The following MPRIP variants were observed in gnomAD, a reference collection of about 807,000 sequenced individuals.
The protein encoded by MPRIP is myosin phosphatase Rho interacting protein.
In MPRIP, 59 loss-of-function variants were observed where a neutral mutation model predicts 234.9. That is an observed-to-expected ratio of 0.25 (90% CI 0.20 to 0.31). MPRIP has a LOEUF of 0.31. Among genes scored for constraint, MPRIP ranks in the 10% least tolerant of loss-of-function variants. The pLI, the probability that MPRIP is intolerant of heterozygous loss-of-function variation, is 1.00. For missense variants in MPRIP, 2,436 were observed against 3,071.0 expected, an observed-to-expected ratio of 0.79 and a Z score of 4.89; for synonymous variants, 1,144 against 1,263.9, an observed-to-expected ratio of 0.91 and a Z score of 2.01.
At chr17:17,154,169 G>T in intron 12 of MPRIP, 137 bp from the exon 13 acceptor site, 2 of 674,228 alleles carry the variant, frequency 3.0e-6, no homozygotes, top group Non-Finnish European at 5.2e-6. Flanking sequence ...GGCACATGTG[G>T]CACTCCTAGA....
chr17:17,154,321 T>C lies in MPRIP; in HGVS notation c.1735T>C (p.Phe579Leu). The C allele has an allele frequency of 6.2e-7, 1 of 1,613,904 alleles. No homozygotes were observed. Among genetic ancestry groups the C allele is most frequent in the Non-Finnish European group, 8.5e-7 (1 of 1,179,966 alleles). The change falls in exon 13 of 24, where the codon TTT (phenylalanine) becomes CTT (leucine). Residue 579 changes from phenylalanine to leucine, a missense_variant. By Grantham distance (22) the Phe-to-Leu change is conservative. Transcript: ENST00000651222. Reference sequence around the variant, plus strand: ...TTCTCTGTAGACAAAGGAGGGCGAGTTTACCCTGTCGGCCATGACATCTGG... The same window carrying C: ...TTCTCTGTAGACAAAGGAGGGCGAGCTTACCCTGTCGGCCATGACATCTGG... ...GFQIHTKEGEFTLSAMTSGIR... is the reference protein window; with the variant it reads ...GFQIHTKEGELTLSAMTSGIR...
chr17:17,168,015 A>G, intron 16 of MPRIP, 100 bp downstream of exon 16: 1 of 940,236 alleles, frequency 1.1e-6, no homozygotes, highest in Non-Finnish European at 1.4e-6. Context: ...AATTGAGGGG[A>G]TATGCTGCTG....
rs536348194 is a variant in MPRIP at position 17,171,926 on chromosome 17, C to T, written c.6472+61C>T. The T allele has an allele frequency of 3.5e-5, 54 of 1,538,596 alleles. 1 individual carries two copies. In the South Asian group the frequency reaches 5.7e-4, roughly 16 times the overall value. On this transcript the variant is annotated intron_variant, in intron 17 of 23. Coordinates refer to ENST00000651222, the MANE Select transcript of MPRIP (RefSeq NM_001364716.4). ...TGGCCAGCTTTTTTTGAGCTAGACA[C>T]ACAACTCAGAGGAATGGCAGCCTTT... is the stretch of plus-strand genomic sequence containing the variant.
At chr17:17,111,168 AG>A (rs199925356) in intron 3 of MPRIP, among the ~76,000 whole-genome samples, 13,886 of 132,094 alleles carry the variant, frequency 0.11, 1,700 homozygotes, top group African/African-American at 0.28. Flanking sequence ...CAAAAAAAAA[AG>A]AAAAAACCTC....
chr17:17,048,909 A>G (rs986486519), intron 1 of MPRIP, among the ~76,000 whole-genome samples: 4 of 152,254 alleles, frequency 2.6e-5, no homozygotes, highest in African/African-American at 7.2e-5. Flanking sequence ...ACTACTCACA[A>G]TAGCCAAACG....
At position 17,078,332 on chromosome 17, in the gene MPRIP, G is replaced by A. The variant is rs2089383847; in HGVS notation, c.267+256G>A. Reference sequence around the variant, plus strand: ...AGGGAGGAAGTCATTTCTGTTGAAGGCTAATAGTGTGGACTTCACTGGAGC... The same window carrying A: ...AGGGAGGAAGTCATTTCTGTTGAAGACTAATAGTGTGGACTTCACTGGAGC... On this transcript the variant is annotated intron_variant, in intron 3 of 23. Transcript: ENST00000651222. The surrounding 1 kb of genome is among the most constrained non-coding windows in gnomAD (Gnocchi z 4.3). Among the ~76,000 whole-genome samples, 1 of 152,214 alleles carries A rather than the reference G, an allele frequency of 6.6e-6. No individual in the cohort carries two copies. The highest frequency in any genetic ancestry group is 1.5e-5 in the Non-Finnish European group (1 of 68,040).
intron 1 of MPRIP, among the ~76,000 whole-genome samples, chr17:17,043,374 C>T (rs890834894): frequency 6.6e-6 from 1 of 152,132 alleles, no homozygotes; most frequent in Non-Finnish European, 1.5e-5. Flanking sequence ...TGTGGGCTTC[C>T]GTCTAGTGGG....
At chr17:17,087,275 C>T (rs762108165) in intron 3 of MPRIP, among the ~76,000 whole-genome samples, 2 of 152,116 alleles carry the variant, frequency 1.3e-5, no homozygotes, top group Admixed American at 6.5e-5. Flanking sequence ...GACAAGCAGC[C>T]GGGTCCCTGG....
At chr17:17,156,591 A>G (rs1597475335) in intron 13 of MPRIP, among the ~76,000 whole-genome samples, 1 of 152,334 alleles carries the variant, frequency 6.6e-6, no homozygotes. Context: ...GGGAAGTTGC[A>G]GGGTGCTTCC....
At chr17:17,146,131 G>A in intron 10 of MPRIP, 39 bp downstream of exon 10, 1 of 1,593,908 alleles carries the variant, frequency 6.3e-7, no homozygotes, top group Non-Finnish European at 8.6e-7. Flanking sequence ...GAGGGATCTG[G>A]GGACAGGGTG....
rs1333573184 is a variant in MPRIP, at chr17:17,184,805, T to C, written c.7207-18T>C. 6.2e-7 allele frequency: 1 copy of C among 1,604,442 alleles called. No individual in the cohort carries two copies. Among genetic ancestry groups the C allele is most frequent in the Non-Finnish European group, 8.5e-7 (1 of 1,172,030 alleles). On this transcript the variant is annotated intron_variant, in intron 23 of 23. Transcript: ENST00000651222. ...TAACGGTGTGTTTATTTTCTCCTCC[T>C]GCTCTGTCTCTACCCAGAGTCTGAA...
chr17:17,167,315 T>A lies in MPRIP; in HGVS notation c.5724T>A (p.Ile1908=). ...QKSEYLDVIA[I]VERENAELKA... ...GCGAGTACCTGGATGTGATCGCCAT[T>A]GTTGAAAGGGAGAATGCAGAGCTCA... Residue 1908 remains isoleucine (I), a synonymous_variant, in exon 16 of 24, where the codon ATT becomes ATA. Coordinates refer to ENST00000651222, the MANE Select transcript of MPRIP (RefSeq NM_001364716.4). The surrounding 1 kb of genome is among the most constrained non-coding windows in gnomAD (Gnocchi z 5.9). 7.7e-7 allele frequency: 1 copy of A among 1,303,748 alleles called. No individual in the cohort carries two copies. Among genetic ancestry groups the A allele is most frequent in the Non-Finnish European group, 1.0e-6 (1 of 988,896 alleles). The allele number at this position is 1,303,748 out of a possible 1,614,324, so 80.8% of individuals were successfully genotyped here. A position where few individuals can be genotyped will look rare whatever the true frequency, so the allele number is the denominator to read the frequency against.
At chr17:17,096,001 C>G (rs552022481) in intron 3 of MPRIP, among the ~76,000 whole-genome samples, 1 of 152,140 alleles carries the variant, frequency 6.6e-6, no homozygotes, top group Non-Finnish European at 1.5e-5. Context: ...TACCTCCCCC[C>G]CACACACACT....
At chr17:17,170,119 T>C (rs913325497) in intron 16 of MPRIP, 2 of 151,094 alleles carry the variant, frequency 1.3e-5, no homozygotes, top group South Asian at 2.1e-4. Flanking sequence ...AAAATTGGAA[T>C]GATACAGAGA....
intron 5 of MPRIP, 79 bp downstream of exon 5, chr17:17,131,780 AG>A: frequency 7.5e-7 from 1 of 1,324,920 alleles, no homozygotes; most frequent in Admixed American, 1.8e-5. Context: ...CTGAGGTTAG[AG>A]GGTGAGGACA....
chr17:17,089,169 A>G (rs1416383490), intron 3 of MPRIP, among the ~76,000 whole-genome samples: 2 of 152,238 alleles, frequency 1.3e-5, no homozygotes, highest in East Asian at 1.9e-4. Flanking sequence ...ACAAGTTGCC[A>G]CAAACTTAGT....
rs1337623714 is a variant in MPRIP at position 17,185,140 on chromosome 17, G to C, written c.*246G>C. On this transcript the variant is annotated 3_prime_UTR_variant, in exon 24 of 24. Coordinates refer to ENST00000651222, the MANE Select transcript of MPRIP (RefSeq NM_001364716.4). ...GGTATTCTAAAATTAGGCCAGCAGT[G>C]GGGGCTGGGAGGGCATCTGTGTTAG... The C allele has an allele frequency of 2.6e-6, 1 of 381,344 alleles. No homozygotes were observed. Among genetic ancestry groups the C allele is most frequent in the African/African-American group, 2.1e-5 (1 of 47,896 alleles). The allele number at this position is 381,344 out of a possible 1,614,324, so 23.6% of individuals were successfully genotyped here. A position where few individuals can be genotyped will look rare whatever the true frequency, so the allele number is the denominator to read the frequency against.
At chr17:17,095,590 T>G (rs2089820274) in intron 3 of MPRIP, among the ~76,000 whole-genome samples, 1 of 152,122 alleles carries the variant, frequency 6.6e-6, no homozygotes, top group South Asian at 2.1e-4. Flanking sequence ...TTTCTTGGAC[T>G]TTTCCTGCTG....
At chr17:17,150,805 A>G (rs2045584960) in intron 12 of MPRIP, among the ~76,000 whole-genome samples, 1 of 151,498 alleles carries the variant, frequency 6.6e-6, no homozygotes, top group African/African-American at 2.4e-5. Context: ...GCCAGACTCC[A>G]GGTTAAGAGC....
Sources: gnomAD v4.1 joint callset for allele counts (sites outside exome capture counted in the v4.1 genomes callset) on GRCh38, gnomAD v4.1.1 for gene constraint, Gnocchi (gnomAD v3.1) non-coding constraint, MANE v1.5 for transcripts, NCBI Gene and HGNC (gene_info 2026-07-23, HGNC 2026-07-21) for gene names.